The following TBCD variants were observed in gnomAD, a reference collection of about 807,000 sequenced individuals.
TBCD encodes tubulin folding cofactor D.
Under a neutral mutation model 169.3 loss-of-function variants are expected in TBCD, and 105 were observed. The ratio of observed to expected loss-of-function variants is 0.62; its 90% CI spans 0.53 to 0.73. TBCD has a LOEUF of 0.73. Among genes scored for constraint, TBCD ranks in the 30% least tolerant of loss-of-function variants. TBCD has a pLI of 0.00. For missense variants in TBCD, 1,444 were observed against 1,600.1 expected (o/e 0.90, Z 1.66); for synonymous variants, 700 against 643.9 (o/e 1.09, Z -1.32).
At position 82,920,700 on chromosome 17, in the gene TBCD, G is replaced by A; in HGVS notation, c.2101+82G>A. 1.6e-6 allele frequency: 2 copies of A among 1,228,454 alleles called. No homozygotes were observed. The highest frequency in any genetic ancestry group is 2.3e-6 in the Non-Finnish European group (2 of 876,524). The allele number at this position is 1,228,454 out of a possible 1,614,324, so 76.1% of individuals were successfully genotyped here. On this transcript the variant is annotated intron_variant, in intron 24 of 38. Coordinates refer to ENST00000355528, the MANE Select transcript of TBCD (RefSeq NM_005993.5). The surrounding 1 kb of genome is among the most constrained non-coding windows in gnomAD (Gnocchi z 4.1). Reference sequence around the variant, plus strand: ...AGGTAAAAATGAACCTGTTAGGATGGGGGCGATAAACGATTATAGCTTAAA... The same window carrying A: ...AGGTAAAAATGAACCTGTTAGGATGAGGGCGATAAACGATTATAGCTTAAA...
chr17:82,795,156 C>T (rs555805603), intron 7 of TBCD, among the ~76,000 whole-genome samples: 144 of 152,352 alleles, frequency 9.5e-4, no homozygotes, highest in African/African-American at 2.7e-3. Context: ...AAACAACGTT[C>T]ATGTGTGAGG....
intron 22 of TBCD, 88 bp downstream of exon 22, chr17:82,909,395 C>T (rs930420926): frequency 1.8e-6 from 2 of 1,123,980 alleles, no homozygotes; most frequent in African/African-American, 1.5e-5. Context: ...GTGTTCGCTT[C>T]CCTCTCTGCC....
chr17:82,911,901 G>A lies in TBCD; in HGVS notation c.2038+112G>A. ...CATTAGCCCCCAGGGTGAAGGGCTG[G>A]GTGTGTTTCTTCTGTGGAGGCGGCA... is the stretch of plus-strand genomic sequence containing the variant. On this transcript the variant is annotated intron_variant, in intron 23 of 38. Transcript: ENST00000355528. 5 of 1,099,316 alleles carry A rather than the reference G, an allele frequency of 4.5e-6. No individual in the cohort carries two copies. The East Asian group carries it at 7.6e-5, about 17-fold the overall frequency. The allele number at this position is 1,099,316 out of a possible 1,614,324, so 68.1% of individuals were successfully genotyped here.
At position 82,923,309 on chromosome 17, in the gene TBCD, T is replaced by C. The variant is rs910946178; in HGVS notation, c.2179-343T>C. On this transcript the variant is annotated intron_variant, in intron 25 of 38. Transcript: ENST00000355528. The surrounding 1 kb of genome is among the most constrained non-coding windows in gnomAD (Gnocchi z 4.6). ...TAAAGTGATGCGTGTATCTGACAGA[T>C]GATGGTGAGCAGGCGTGCTGGAAAG... is the stretch of plus-strand genomic sequence containing the variant. Among the ~76,000 whole-genome samples the C allele has an allele frequency of 6.6e-5, 10 of 152,206 alleles. No homozygotes were observed. Among genetic ancestry groups the C allele is most frequent in the African/African-American group, 7.2e-5 (3 of 41,464 alleles).
At chr17:82,909,952 T>C (rs1469711782) in intron 22 of TBCD, among the ~76,000 whole-genome samples, 1 of 152,214 alleles carries the variant, frequency 6.6e-6, no homozygotes, top group Non-Finnish European at 1.5e-5. Context: ...TGTCACACAG[T>C]AGGAAGCCTT....
chr17:82,937,826 G>A (rs1397812515), intron 35 of TBCD: 2 of 1,468,384 alleles, frequency 1.4e-6, no homozygotes, highest in Non-Finnish European at 1.8e-6. Context: ...TCCTCTGTGA[G>A]GCGTCCTCAC....
chr17:82,815,396 G>C (rs1006466986), intron 13 of TBCD, among the ~76,000 whole-genome samples: 4 of 152,154 alleles, frequency 2.6e-5, no homozygotes, highest in Admixed American at 6.5e-5. Context: ...CAGCATCCTG[G>C]GTCACCTGGA....
intron 13 of TBCD, among the ~76,000 whole-genome samples, chr17:82,815,273 A>G (rs1253800137): frequency 6.6e-6 from 1 of 152,134 alleles, no homozygotes; most frequent in African/African-American, 2.4e-5. Flanking sequence ...GAATCCTTGT[A>G]ATGTCTGATT....
chr17:82,879,905 G>A (rs1458602975), intron 14 of TBCD, among the ~76,000 whole-genome samples: 3 of 151,770 alleles, frequency 2.0e-5, no homozygotes, highest in African/African-American at 7.3e-5. Context: ...TTTTGGAGTG[G>A]TGTATTGTTG....
chr17:82,786,462 C>T (rs2049324449), intron 7 of TBCD, among the ~76,000 whole-genome samples: 1 of 152,208 alleles, frequency 6.6e-6, no homozygotes, highest in Non-Finnish European at 1.5e-5. Context: ...TCTGTCCGGT[C>T]TCTTAACGGG....
intron 15 of TBCD, among the ~76,000 whole-genome samples, chr17:82,887,155 G>GTGTGTA (rs926703018): frequency 9.2e-6 from 1 of 108,634 alleles, no homozygotes; most frequent in African/African-American, 4.6e-5. Flanking sequence ...GTGTGTGTGT[G>GTGTGTA]TGTGTGTGTG....
At chr17:82,785,696 G>T (rs1299841921) in intron 7 of TBCD, among the ~76,000 whole-genome samples, 1 of 131,472 alleles carries the variant, frequency 7.6e-6, no homozygotes, top group African/African-American at 3.2e-5. Flanking sequence ...GCGGGAGGGG[G>T]GTCCATGATG....
At chr17:82,854,216 T>G (rs2056061474) in intron 13 of TBCD, among the ~76,000 whole-genome samples, 1 of 152,246 alleles carries the variant, frequency 6.6e-6, no homozygotes, top group South Asian at 2.1e-4. Flanking sequence ...GAAAACTTTT[T>G]GAATGCTGAG....
At chr17:82,921,633 C>A in intron 25 of TBCD, 56 bp downstream of exon 25, 1 of 1,539,580 alleles carries the variant, frequency 6.5e-7, no homozygotes, top group South Asian at 1.1e-5. Context: ...GTGTGTTAGT[C>A]ACGGATGGTG....
chr17:82,898,702 A>C (rs1010772036), intron 17 of TBCD, among the ~76,000 whole-genome samples: 8 of 151,850 alleles, frequency 5.3e-5, no homozygotes, highest in African/African-American at 1.9e-4. Flanking sequence ...TGTTCGGCAT[A>C]TGTGTTGGTA....
chr17:82,923,294 C>T lies in TBCD; in HGVS notation c.2179-358C>T, dbSNP rs922878364. ...TAGTTGTAGTGGTAGTAAAGTGATG[C>T]GTGTATCTGACAGATGATGGTGAGC... On this transcript the variant is annotated intron_variant, in intron 25 of 38. Transcript: ENST00000355528. The surrounding 1 kb of genome is among the most constrained non-coding windows in gnomAD (Gnocchi z 4.6). Among the ~76,000 whole-genome samples the T allele has an allele frequency of 5.9e-5, 9 of 152,202 alleles. No individual in the cohort carries two copies. The highest frequency in any genetic ancestry group is 2.2e-4 in the African/African-American group (9 of 41,456).
At chr17:82,851,465 A>G (rs770128321) in intron 13 of TBCD, among the ~76,000 whole-genome samples, 10 of 152,174 alleles carry the variant, frequency 6.6e-5, no homozygotes, top group South Asian at 4.1e-4. Flanking sequence ...AATGTTATCA[A>G]TGAGAATAAA....
Position 82,752,313 on chromosome 17 carries a change from G to C in TBCD, c.120G>C (p.Leu40=). The C allele has an allele frequency of 3.4e-6, 5 of 1,488,020 alleles. No individual in the cohort carries two copies. The highest frequency in any genetic ancestry group is 3.5e-6 in the Non-Finnish European group (4 of 1,127,526). 92.2% of individuals were successfully genotyped at this position (1,488,020 alleles called of 1,614,324 possible). The change falls in exon 1 of 39, where the codon CTG becomes CTC. Residue 40 remains leucine, a synonymous_variant. Transcript: ENST00000355528. ...AGAGCGCGGAGACCCGGGCGCTGCT[G>C]GGCCGCCTGCGGGAGGTGCACGGCG... is the stretch of plus-strand genomic sequence containing the variant. The part of the protein sequence containing the change: ...FGESAETRAL[L]GRLREVHGGG...
At chr17:82,891,877 G>C (rs1413943123) in intron 16 of TBCD, among the ~76,000 whole-genome samples, 2 of 152,114 alleles carry the variant, frequency 1.3e-5, no homozygotes, top group Admixed American at 1.3e-4. Flanking sequence ...GAGCCCAGGG[G>C]CTCTTGAGCA....
Sources: gnomAD v4.1 joint callset for allele counts (sites outside exome capture counted in the v4.1 genomes callset) on GRCh38, gnomAD v4.1.1 for gene constraint, Gnocchi (gnomAD v3.1) non-coding constraint, MANE v1.5 for transcripts, NCBI Gene and HGNC (gene_info 2026-07-23, HGNC 2026-07-21) for gene names.